The following ANKH variants were observed in gnomAD, a reference collection of about 807,000 sequenced individuals.
The protein encoded by ANKH is mineralization regulator ANKH.
ANKH carries 15 observed loss-of-function variants against 49.0 expected under a neutral mutation model. The observed-to-expected ratio is 0.31, with a 90% CI of 0.20 to 0.47. The LOEUF (loss-of-function observed/expected upper bound fraction) is 0.47, where lower values mean the gene tolerates loss of function less well. Among genes scored for constraint, ANKH ranks in the 20% least tolerant of loss-of-function variants. The pLI is 1.00. For synonymous variants in ANKH, 273 were observed against 260.0 expected (o/e 1.05, Z -0.48); for missense variants, 429 against 652.0 (o/e 0.66, Z 3.72).
At chr5:14,820,456 CAA>C (rs1458488130) in intron 1 of ANKH, among the ~76,000 whole-genome samples, 1 of 152,130 alleles carries the variant, frequency 6.6e-6, no homozygotes, top group African/African-American at 2.4e-5. Context: ...AATATAAGAA[CAA>C]GGGAGAATGA....
intron 1 of ANKH, among the ~76,000 whole-genome samples, chr5:14,799,102 T>C (rs1183817241): frequency 3.3e-5 from 5 of 152,322 alleles, no homozygotes; most frequent in African/African-American, 9.6e-5. Flanking sequence ...CGGAGAAAGT[T>C]TGAGTGGTCT....
At position 14,711,753 on chromosome 5, in the gene ANKH, G is replaced by A. The variant is rs148678542; in HGVS notation, c.1366-443C>T. Among the ~76,000 whole-genome samples, 14 of 152,286 alleles carry A rather than the reference G, an allele frequency of 9.2e-5. No homozygotes were observed. The East Asian group carries it at 2.3e-3, about 25-fold the overall frequency. ...CCTCTGGGACAGCTCCAGGCTTGCCGTCATTCTCTCCCACTTACTGCCTGT... is the reference window on the plus strand; with the variant it reads ...CCTCTGGGACAGCTCCAGGCTTGCCATCATTCTCTCCCACTTACTGCCTGT... On this transcript the variant is annotated intron_variant, in intron 11 of 11. Coordinates refer to ENST00000284268, the MANE Select transcript of ANKH (RefSeq NM_054027.6).
chr5:14,713,488 G>A lies in ANKH; in HGVS notation c.1265+56C>T. ...TGAAAATGTAGCTGTTAAACCTCTG[G>A]ACACAGTATTGAAGTGGCAGAAGGA... On this transcript the variant is annotated intron_variant, in intron 10 of 11. Coordinates refer to ENST00000284268, the MANE Select transcript of ANKH (RefSeq NM_054027.6). This position sits in a 1 kb window ranked among gnomAD's most constrained non-coding sequence, Gnocchi z 4.4. 6.2e-7 allele frequency: 1 copy of A among 1,608,480 alleles called. No homozygotes were observed. Among genetic ancestry groups the A allele is most frequent in the Non-Finnish European group, 8.5e-7 (1 of 1,176,662 alleles).
chr5:14,730,737 CAGG>C (rs1354794348), intron 8 of ANKH, among the ~76,000 whole-genome samples: 1 of 152,222 alleles, frequency 6.6e-6, no homozygotes. Flanking sequence ...GCCAGGAGTG[CAGG>C]AGAAGGACCC....
At chr5:14,723,335 A>T (rs1175645954) in intron 8 of ANKH, among the ~76,000 whole-genome samples, 1 of 144,376 alleles carries the variant, frequency 6.9e-6, no homozygotes, top group African/African-American at 2.6e-5. Context: ...TGTTTCTGTA[A>T]ATCAGAAGTT....
chr5:14,750,448 G>A (rs1738674519), intron 5 of ANKH, among the ~76,000 whole-genome samples: 1 of 152,164 alleles, frequency 6.6e-6, no homozygotes, highest in Non-Finnish European at 1.5e-5. Flanking sequence ...TTCTCCCAGT[G>A]TTCGTGGCTC....
At chr5:14,796,168 GTT>G (rs972768236) in intron 1 of ANKH, among the ~76,000 whole-genome samples, 4 of 143,626 alleles carry the variant, frequency 2.8e-5, no homozygotes, top group African/African-American at 7.6e-5. Context: ...TTGCAAATGT[GTT>G]TTTTTTTTTA....
chr5:14,734,857 A>G (rs1215823008), intron 8 of ANKH, among the ~76,000 whole-genome samples: 2 of 152,354 alleles, frequency 1.3e-5, no homozygotes, highest in East Asian at 1.9e-4. Context: ...ATAAGGTTCA[A>G]GTGGTAAATA....
chr5:14,853,950 AC>A (rs1742187698), intron 1 of ANKH, among the ~76,000 whole-genome samples: 2 of 152,278 alleles, frequency 1.3e-5, no homozygotes, highest in Middle Eastern at 3.4e-3. Context: ...CTCCACTGTC[AC>A]CAGGCACCTG....
At chr5:14,777,449 A>C (rs2126524460) in intron 1 of ANKH, among the ~76,000 whole-genome samples, 1 of 152,312 alleles carries the variant, frequency 6.6e-6, no homozygotes, top group South Asian at 2.1e-4. Flanking sequence ...AGGATATTAA[A>C]AAGTAAAAAA....
At chr5:14,773,353 C>CATTTT (rs1739508483) in intron 1 of ANKH, among the ~76,000 whole-genome samples, 1 of 77,016 alleles carries the variant, frequency 1.3e-5, no homozygotes, top group Non-Finnish European at 2.3e-5. Flanking sequence ...GCAAAGCATT[C>CATTTT]TTTTTTTTTT....
intron 1 of ANKH, among the ~76,000 whole-genome samples, chr5:14,849,375 AAT>A (rs1742061493): frequency 1.3e-5 from 2 of 152,164 alleles, no homozygotes; most frequent in South Asian, 4.1e-4. Flanking sequence ...TTCTCCTCCT[AAT>A]GTTAGCTGTA....
At chr5:14,786,809 C>T (rs1355104803) in intron 1 of ANKH, among the ~76,000 whole-genome samples, 2 of 152,090 alleles carry the variant, frequency 1.3e-5, no homozygotes, top group African/African-American at 2.4e-5. Flanking sequence ...CCCAGTAATC[C>T]CCCTTCAGAA....
At chr5:14,777,467 T>C (rs191995392) in intron 1 of ANKH, among the ~76,000 whole-genome samples, 314 of 152,196 alleles carry the variant, frequency 2.1e-3, no homozygotes, top group African/African-American at 6.7e-3. Flanking sequence ...AAATATAACC[T>C]CCACGGAAAT....
chr5:14,724,486 A>G (rs1317085546), intron 8 of ANKH: 11 of 925,922 alleles, frequency 1.2e-5, no homozygotes, highest in Non-Finnish European at 1.4e-5. Flanking sequence ...AGGTCCCCCA[A>G]TAGGATCAGA....
intron 1 of ANKH, among the ~76,000 whole-genome samples, chr5:14,804,914 G>A (rs1444971847): frequency 1.3e-5 from 2 of 152,190 alleles, no homozygotes; most frequent in East Asian, 1.9e-4. Context: ...CTCCAACGAC[G>A]TGATTCTCAA....
intron 5 of ANKH, among the ~76,000 whole-genome samples, chr5:14,749,954 G>C (rs1273545147): frequency 1.3e-5 from 2 of 152,214 alleles, no homozygotes; most frequent in African/African-American, 4.8e-5. Context: ...TTGTTCACAA[G>C]GGTGAGAGTT....
At chr5:14,852,911 C>T (rs1266502238) in intron 1 of ANKH, among the ~76,000 whole-genome samples, 1 of 152,084 alleles carries the variant, frequency 6.6e-6, no homozygotes, top group African/African-American at 2.4e-5. Context: ...ATTCCCATCA[C>T]ACCCATTAAT....
intron 1 of ANKH, among the ~76,000 whole-genome samples, chr5:14,780,150 C>T (rs147512393): frequency 3.3e-5 from 5 of 150,696 alleles, no homozygotes; most frequent in Non-Finnish European, 5.9e-5. Context: ...CCTGGATGGG[C>T]GACAGGGCAT....
Sources: allele counts gnomAD v4.1 joint callset (sites outside exome capture counted in the v4.1 genomes callset), GRCh38; gene constraint gnomAD v4.1.1; non-coding constraint Gnocchi (gnomAD v3.1); transcripts MANE v1.5; gene names NCBI Gene and HGNC (gene_info 2026-07-23, HGNC 2026-07-21).